CACNA1E: variants seen among roughly 807,000 people sequenced by gnomAD.
The protein encoded by CACNA1E is calcium voltage-gated channel subunit alpha1 E.
CACNA1E carries 40 observed loss-of-function variants against 259.2 expected under a neutral mutation model. The observed-to-expected ratio is 0.15, with a 90% CI of 0.12 to 0.20. CACNA1E has a LOEUF of 0.20. Ranked by LOEUF, CACNA1E falls within the 10% of genes least tolerant of loss-of-function variation. The pLI, the probability that CACNA1E is intolerant of heterozygous loss-of-function variation, is 1.00. For missense variants in CACNA1E, 1,874 were observed against 3,040.1 expected (o/e 0.62, Z 9.02); for synonymous variants, 1,104 against 1,138.5 (o/e 0.97, Z 0.61).
At chr1:181,610,943 AT>A (rs939389713) in intron 6 of CACNA1E, among the ~76,000 whole-genome samples, 8 of 151,810 alleles carry the variant, frequency 5.3e-5, no homozygotes, top group African/African-American at 1.5e-4. Flanking sequence ...CATTACTACA[AT>A]TTTTTTTTCT....
At chr1:181,695,111 A>G (rs773500542) in intron 7 of CACNA1E, among the ~76,000 whole-genome samples, 27 of 152,200 alleles carry the variant, frequency 1.8e-4, no homozygotes, top group Non-Finnish European at 1.9e-4. Flanking sequence ...AAATTAACTA[A>G]AAATGGATGT....
chr1:181,332,488 C>T (rs1187591863), intron 1 of CACNA1E, among the ~76,000 whole-genome samples: 1 of 152,206 alleles, frequency 6.6e-6, no homozygotes, highest in Non-Finnish European at 1.5e-5. Flanking sequence ...ATAATATCAA[C>T]TATTACATGG....
rs2102944610 is a variant in CACNA1E, at chr1:181,806,374, CAGGCCATT to C, written c.*7541_*7548del. 6.6e-6 allele frequency: 1 copy of C among 152,398 alleles called. No homozygotes were observed. Among genetic ancestry groups the C allele is most frequent in the Admixed American group, 6.5e-5 (1 of 15,302 alleles). The allele number at this position is 152,398 out of a possible 1,614,324, so 9.4% of individuals were successfully genotyped here. Reference sequence around the variant, plus strand: ...CCCTCTGTCCTTCGGGGCCCATGGTCAGGCCATTCCCTCTTTGTTTTGCTCCTAGAGGA... The same window carrying C: ...CCCTCTGTCCTTCGGGGCCCATGGTCCCCTCTTTGTTTTGCTCCTAGAGGA... On this transcript the variant is annotated 3_prime_UTR_variant, in exon 48 of 48. Coordinates refer to ENST00000367573, the MANE Select transcript of CACNA1E (RefSeq NM_001205293.3).
intron 37 of CACNA1E, among the ~76,000 whole-genome samples, chr1:181,772,712 A>AATG (rs1320947756): frequency 6.6e-6 from 1 of 152,216 alleles, no homozygotes; most frequent in African/African-American, 2.4e-5. Context: ...ATAAGAGTAG[A>AATG]ATGATGATAA....
At chr1:181,716,414 A>G (rs1653905275) in intron 10 of CACNA1E, among the ~76,000 whole-genome samples, 5 of 152,206 alleles carry the variant, frequency 3.3e-5, no homozygotes. Flanking sequence ...TTGCAGAAGT[A>G]TCCACCCTCT....
At chr1:181,323,485 T>C (rs1008085124) in intron 1 of CACNA1E, among the ~76,000 whole-genome samples, 1 of 152,170 alleles carries the variant, frequency 6.6e-6, no homozygotes, top group Non-Finnish European at 1.5e-5. Flanking sequence ...CCCCTTCCCA[T>C]GTTAGGATCA....
chr1:181,330,461 G>A (rs1006539793), intron 1 of CACNA1E, among the ~76,000 whole-genome samples: 2 of 152,212 alleles, frequency 1.3e-5, no homozygotes, highest in African/African-American at 4.8e-5. Context: ...GAGTGCCAGA[G>A]GGTCAGCCTG....
At chr1:181,505,026 T>C (rs1665587212) in intron 1 of CACNA1E, among the ~76,000 whole-genome samples, 1 of 152,116 alleles carries the variant, frequency 6.6e-6, no homozygotes, top group Non-Finnish European at 1.5e-5. Flanking sequence ...GGAAGGAAGA[T>C]GTCTTTTGCA....
intron 6 of CACNA1E, among the ~76,000 whole-genome samples, chr1:181,620,271 C>T (rs1655608207): frequency 6.6e-6 from 1 of 152,118 alleles, no homozygotes; most frequent in African/African-American, 2.4e-5. Flanking sequence ...GCCAGGAAAG[C>T]AGCCTTGGGT....
chr1:181,784,514 G>T, intron 40 of CACNA1E, 147 bp from the exon 41 acceptor site: 1 of 580,802 alleles, frequency 1.7e-6, no homozygotes. Context: ...GAAAGACCTG[G>T]TATTGCAAGA....
chr1:181,426,750 C>CATCT (rs1491304432), intron 2 of CACNA1E, among the ~76,000 whole-genome samples: 1 of 135,356 alleles, frequency 7.4e-6, no homozygotes, highest in African/African-American at 2.8e-5. Context: ...AGCCCCTTCC[C>CATCT]GTCTCAACCC....
Position 181,756,061 on chromosome 1 carries a change from C to A in CACNA1E, c.4095C>A (p.Leu1365=), listed in dbSNP as rs775658768. The A allele has an allele frequency of 2.5e-6, 4 of 1,613,836 alleles. No individual in the cohort carries two copies. In the Admixed American group the frequency reaches 6.7e-5, roughly 27 times the overall value. The change falls in exon 29 of 48, where the codon CTC becomes CTA. Residue 1365 remains leucine, a synonymous_variant. Transcript: ENST00000367573. ...ACATTATCTGGGCCCTGCTGACCCTCTTCACCGTCTCCACAGGGGAAGGAT... is the reference window on the plus strand; with the variant it reads ...ACATTATCTGGGCCCTGCTGACCCTATTCACCGTCTCCACAGGGGAAGGAT... The part of the protein sequence containing the change: ...YDNIIWALLT[L]FTVSTGEGWP...
At chr1:181,676,023 C>G (rs369165558) in intron 7 of CACNA1E, among the ~76,000 whole-genome samples, 1 of 139,288 alleles carries the variant, frequency 7.2e-6, no homozygotes, top group East Asian at 2.3e-4. Flanking sequence ...GTAGCCCAAG[C>G]GACAGTGTGT....
At chr1:181,550,913 G>T (rs1430518766) in intron 3 of CACNA1E, among the ~76,000 whole-genome samples, 1 of 152,032 alleles carries the variant, frequency 6.6e-6, no homozygotes, top group Non-Finnish European at 1.5e-5. Context: ...CCCCTTGGAA[G>T]GCAAGCTTTA....
chr1:181,758,463 G>T lies in CACNA1E; in HGVS notation c.4495-295G>T, dbSNP rs944116440. The stretch of plus-strand genomic sequence containing the variant: ...AGGCTCATCCTATTTAATATTAAAT[G>T]ACTAACTCCAGTAACTAACTCTAGA... On this transcript the variant is annotated intron_variant, in intron 31 of 47. Transcript: ENST00000367573. This position sits in a 1 kb window ranked among gnomAD's most constrained non-coding sequence, Gnocchi z 4.2. Among the ~76,000 whole-genome samples, 1 of 152,172 alleles carries T rather than the reference G, an allele frequency of 6.6e-6. No individual in the cohort carries two copies. Among genetic ancestry groups the T allele is most frequent in the Non-Finnish European group, 1.5e-5 (1 of 68,018 alleles).
intron 1 of CACNA1E, among the ~76,000 whole-genome samples, chr1:181,508,130 G>A (rs1665864682): frequency 6.8e-6 from 1 of 146,746 alleles, no homozygotes; most frequent in Non-Finnish European, 1.5e-5. Flanking sequence ...GAAATGTTGT[G>A]TGCTGTCCCA....
intron 12 of CACNA1E, 30 bp from the exon 13 acceptor site, chr1:181,719,721 C>T (rs758808604): frequency 2.4e-6 from 3 of 1,251,670 alleles, no homozygotes; most frequent in Non-Finnish European, 3.4e-6. Context: ...CTTCCTCCTC[C>T]TCTCACTGTG....
chr1:181,701,525 A>C (rs1286266277), intron 7 of CACNA1E, among the ~76,000 whole-genome samples: 1 of 152,218 alleles, frequency 6.6e-6, no homozygotes, highest in Non-Finnish European at 1.5e-5. Flanking sequence ...AGCAGCATGT[A>C]CACCTCTGAG....
At chr1:181,318,668 G>T (rs1327457454) in intron 1 of CACNA1E, among the ~76,000 whole-genome samples, 1 of 152,226 alleles carries the variant, frequency 6.6e-6, no homozygotes, top group Non-Finnish European at 1.5e-5. Context: ...GGGAGGGCGC[G>T]CGGGCCAGTG....
Sources: allele counts gnomAD v4.1 joint callset (sites outside exome capture counted in the v4.1 genomes callset), GRCh38; gene constraint gnomAD v4.1.1; non-coding constraint Gnocchi (gnomAD v3.1); transcripts MANE v1.5; gene names NCBI Gene and HGNC (gene_info 2026-07-23, HGNC 2026-07-21).